DST: variants seen among roughly 807,000 people sequenced by gnomAD.
DST encodes dystonin, also known as bullous pemphigoid antigen.
DST carries 253 observed loss-of-function variants against 875.2 expected under a neutral mutation model. The ratio of observed to expected loss-of-function variants is 0.29; its 90% CI spans 0.26 to 0.32. DST has a LOEUF of 0.32. Among genes scored for constraint, DST ranks in the 10% least tolerant of loss-of-function variants. The pLI is 1.00. For missense variants in DST, 8,287 were observed against 9,111.6 expected, an observed-to-expected ratio of 0.91 and a Z score of 3.68; for synonymous variants, 3,124 against 3,197.1, an observed-to-expected ratio of 0.98 and a Z score of 0.77.
intron 72 of DST, among the ~76,000 whole-genome samples, chr6:56,511,931 C>CA (rs1297362643): frequency 4.3e-4 from 65 of 152,128 alleles, no homozygotes; most frequent in Admixed American, 4.1e-3. Context: ...AATGCTGAGA[C>CA]AAAACCTCAA....
intron 4 of DST, among the ~76,000 whole-genome samples, chr6:56,785,579 G>C (rs1317623287): frequency 6.6e-6 from 1 of 152,152 alleles, no homozygotes; most frequent in African/African-American, 2.4e-5. Flanking sequence ...GCAGTATTCG[G>C]GTGGGAGTGG....
chr6:56,821,245 T>A (rs2099772735), intron 4 of DST, among the ~76,000 whole-genome samples: 1 of 152,180 alleles, frequency 6.6e-6, no homozygotes, highest in Non-Finnish European at 1.5e-5. Flanking sequence ...CTGCATGTCT[T>A]CTGTTGGGAT....
At chr6:56,527,463 C>T (rs1480859921) in intron 68 of DST, 30 bp downstream of exon 68, 2 of 1,603,380 alleles carry the variant, frequency 1.2e-6, no homozygotes, top group Admixed American at 1.7e-5. Context: ...AGATAAAAGA[C>T]TAATCCAAAA....
chr6:56,680,291 A>G (rs916852095), intron 9 of DST, among the ~76,000 whole-genome samples: 2 of 152,224 alleles, frequency 1.3e-5, no homozygotes, highest in Non-Finnish European at 2.9e-5. Context: ...TATTTTTCCA[A>G]TAAAGAAGAA....
chr6:56,798,084 T>C (rs992811610), intron 4 of DST, among the ~76,000 whole-genome samples: 3 of 152,196 alleles, frequency 2.0e-5, no homozygotes, highest in Non-Finnish European at 4.4e-5. Context: ...AAAGCAACAA[T>C]TGCTGATACA....
At chr6:56,818,033 G>A (rs369156837) in intron 4 of DST, among the ~76,000 whole-genome samples, 1 of 152,144 alleles carries the variant, frequency 6.6e-6, no homozygotes, top group Non-Finnish European at 1.5e-5. Flanking sequence ...CATGAGCCAA[G>A]GAATGAAGCC....
At chr6:56,635,745 T>C (rs1460686316) in intron 23 of DST, 31 bp from the exon 24 acceptor site, 7 of 1,611,410 alleles carry the variant, frequency 4.3e-6, no homozygotes, top group Non-Finnish European at 5.9e-6. Context: ...GAAGTTAAAG[T>C]ATGTTAAATA....
intron 9 of DST, among the ~76,000 whole-genome samples, chr6:56,678,879 C>T (rs1477080046): frequency 6.6e-6 from 1 of 152,166 alleles, no homozygotes; most frequent in Non-Finnish European, 1.5e-5. Context: ...ATTGCTGCCG[C>T]CAGAGACTCA....
At chr6:56,929,747 C>G (rs1809165520) in intron 2 of DST, among the ~76,000 whole-genome samples, 1 of 152,122 alleles carries the variant, frequency 6.6e-6, no homozygotes, top group Non-Finnish European at 1.5e-5. Flanking sequence ...CCCTTTAATT[C>G]TATACAAAAC....
intron 4 of DST, among the ~76,000 whole-genome samples, chr6:56,825,061 G>A (rs1358390761): frequency 7.2e-5 from 11 of 152,226 alleles, no homozygotes; most frequent in East Asian, 5.8e-4. Context: ...TAGAAAGGGC[G>A]GAAAGGTGGG....
chr6:56,521,635 C>A (rs2096709033), intron 69 of DST, among the ~76,000 whole-genome samples: 5 of 139,802 alleles, frequency 3.6e-5, no homozygotes, highest in Admixed American at 7.2e-5. Context: ...AGACTTCAAA[C>A]AGATATTTCC....
At chr6:56,863,968 T>C (rs1035959685) in intron 3 of DST, 1 of 152,246 alleles carries the variant, frequency 6.6e-6, no homozygotes, top group African/African-American at 2.4e-5. Context: ...CCAACTTGGC[T>C]AGGCCATGGT....
intron 3 of DST, among the ~76,000 whole-genome samples, chr6:56,860,563 C>G (rs565758188): frequency 6.6e-6 from 1 of 152,148 alleles, no homozygotes; most frequent in Admixed American, 6.5e-5. Context: ...AGGCTCCCGA[C>G]GAATCTAGCT....
At position 56,553,423 on chromosome 6, in the gene DST, A is replaced by G. The variant is rs781722686; in HGVS notation, c.15369T>C (p.Asn5123=). 6.2e-7 allele frequency: 1 copy of G among 1,602,440 alleles called. No homozygotes were observed. The change falls in exon 61 of 104, where the codon AAT becomes AAC. Residue 5123 remains asparagine (N), a synonymous_variant. Coordinates refer to ENST00000680361, the MANE Select transcript of DST (RefSeq NM_001374736.1). Reference sequence around the variant, plus strand: ...CAGACCCTTGTGTTTTTAATAACAGATTTTCACCTTCTGCAATGGTTTTTT... The same window carrying G: ...CAGACCCTTGTGTTTTTAATAACAGGTTTTCACCTTCTGCAATGGTTTTTT... ...MYEKTIAEGE[N]LLLKTQGSEK...
intron 4 of DST, among the ~76,000 whole-genome samples, chr6:56,735,556 T>TCAC (rs138864657): frequency 9.3e-5 from 14 of 151,166 alleles, no homozygotes; most frequent in South Asian, 2.1e-4. Context: ...TAACCCCTCA[T>TCAC]CACCACCACC....
At chr6:56,551,789 A>G (rs892535162) in intron 61 of DST, among the ~76,000 whole-genome samples, 1 of 152,236 alleles carries the variant, frequency 6.6e-6, no homozygotes, top group South Asian at 2.1e-4. Context: ...ATAAAAAGAA[A>G]GGGCAGAAAA....
At chr6:56,903,005 T>C (rs1387675756) in intron 2 of DST, among the ~76,000 whole-genome samples, 1 of 149,498 alleles carries the variant, frequency 6.7e-6, no homozygotes, top group Non-Finnish European at 1.5e-5. Flanking sequence ...TCTCTGATAA[T>C]TTTTCTACAC....
At chr6:56,775,152 C>T (rs758944386) in intron 4 of DST, among the ~76,000 whole-genome samples, 3 of 151,984 alleles carry the variant, frequency 2.0e-5, no homozygotes, top group Non-Finnish European at 4.4e-5. Flanking sequence ...CCAGGAAGAA[C>T]AGAAAGAACA....
At chr6:56,910,878 T>C (rs1260336869) in intron 2 of DST, among the ~76,000 whole-genome samples, 2 of 152,246 alleles carry the variant, frequency 1.3e-5, no homozygotes, top group Non-Finnish European at 2.9e-5. Context: ...TAGTTCCTGC[T>C]GGTAAGAAGC....
Sources: allele counts gnomAD v4.1 joint callset (sites outside exome capture counted in the v4.1 genomes callset), GRCh38; gene constraint gnomAD v4.1.1; transcripts MANE v1.5; gene names NCBI Gene and HGNC (gene_info 2026-07-23, HGNC 2026-07-21).